The following ADAM22 variants were observed in gnomAD, a reference collection of about 807,000 sequenced individuals.
The protein encoded by ADAM22 is disintegrin and metalloproteinase domain-containing protein 22.
In ADAM22, 65 loss-of-function variants were observed where a neutral mutation model predicts 144.6. The ratio of observed to expected loss-of-function variants is 0.45; its 90% confidence interval spans 0.37 to 0.55. The LOEUF is 0.55. Ranked by LOEUF, ADAM22 falls within the 20% of genes least tolerant of loss-of-function variation. The pLI, the probability that ADAM22 is intolerant of heterozygous loss-of-function variation, is 0.00. For missense variants in ADAM22, 974 were observed against 1,184.9 expected, an observed-to-expected ratio of 0.82 and a Z score of 2.61; for synonymous variants, 391 against 412.6, an observed-to-expected ratio of 0.95 and a Z score of 0.63.
At chr7:88,036,855 A>C (rs755272899) in intron 3 of ADAM22, among the ~76,000 whole-genome samples, 1 of 152,116 alleles carries the variant, frequency 6.6e-6, no homozygotes, top group South Asian at 2.1e-4. Context: ...TTTGAAGAAA[A>C]CAGTTGGCTT....
chr7:87,957,197 T>C (rs1456233016), intron 2 of ADAM22, among the ~76,000 whole-genome samples: 1 of 152,220 alleles, frequency 6.6e-6, no homozygotes, highest in Non-Finnish European at 1.5e-5. Flanking sequence ...GTTCTGTCTG[T>C]TACTTTTTGT....
chr7:88,108,365 T>G, intron 5 of ADAM22, 107 bp downstream of exon 5: 1 of 871,750 alleles, frequency 1.1e-6, no homozygotes, highest in South Asian at 1.8e-5. Flanking sequence ...AGAAATGACT[T>G]TAAATTGGTG....
Position 88,036,404 on chromosome 7 carries a change from G to A in ADAM22, c.324-39222G>A, listed in dbSNP as rs138464519. ...TTGCAGCATTCTAATGAGGGCTGGG[G>A]ATGGACATGAAAGGGAGTAAAGATG... On this transcript the variant is annotated intron_variant, in intron 3 of 31. Transcript: ENST00000413139. Among the ~76,000 whole-genome samples, 353 of 152,242 alleles carry A rather than the reference G, an allele frequency of 2.3e-3. 1 individual carries two copies. Among genetic ancestry groups the A allele is most frequent in the Middle Eastern group, 6.8e-3 (2 of 294 alleles).
chr7:88,039,462 A>ATATATAT (rs1379996653), intron 3 of ADAM22, among the ~76,000 whole-genome samples: 10 of 75,842 alleles, frequency 1.3e-4, no homozygotes, highest in African/African-American at 5.1e-4. Context: ...AAAAAAAAAA[A>ATATATAT]AAATATATAT....
intron 3 of ADAM22, among the ~76,000 whole-genome samples, chr7:87,982,670 C>CATAT (rs3086405): frequency 0.17 from 6,418 of 38,080 alleles, 853 homozygotes; most frequent in Admixed American, 0.3. Context: ...TCAGTTATTA[C>CATAT]ATATATATAT....
chr7:88,028,288 T>C (rs150908326), intron 3 of ADAM22, among the ~76,000 whole-genome samples: 247 of 152,326 alleles, frequency 1.6e-3, no homozygotes, highest in African/African-American at 5.7e-3. Flanking sequence ...TTGTATAGTT[T>C]CCAAAATTCC....
At chr7:87,973,929 G>T (rs997450757) in intron 2 of ADAM22, among the ~76,000 whole-genome samples, 1 of 151,904 alleles carries the variant, frequency 6.6e-6, no homozygotes, top group African/African-American at 2.4e-5. Context: ...CACACACCGG[G>T]GACTGTTGTG....
chr7:87,947,338 C>T (rs1843928693), intron 2 of ADAM22, among the ~76,000 whole-genome samples: 1 of 151,826 alleles, frequency 6.6e-6, no homozygotes, highest in South Asian at 2.1e-4. Context: ...ATTATTTCCT[C>T]GTGAAAGTAC....
chr7:87,992,371 A>C (rs1790116628), intron 3 of ADAM22, among the ~76,000 whole-genome samples: 1 of 152,206 alleles, frequency 6.6e-6, no homozygotes, highest in Non-Finnish European at 1.5e-5. Context: ...TCCACTAACA[A>C]AGGTGTTAAT....
chr7:88,182,633 T>A (rs1320859288), intron 29 of ADAM22, among the ~76,000 whole-genome samples: 1 of 152,182 alleles, frequency 6.6e-6, no homozygotes, highest in Non-Finnish European at 1.5e-5. Context: ...AGCCATGCAT[T>A]TACTTTTTTT....
intron 4 of ADAM22, among the ~76,000 whole-genome samples, chr7:88,107,930 A>G (rs1036386734): frequency 6.6e-6 from 1 of 152,124 alleles, no homozygotes; most frequent in Non-Finnish European, 1.5e-5. Context: ...TGTTCCTCTA[A>G]TATCACCTAC....
chr7:88,081,584 A>G (rs2129483001), intron 4 of ADAM22, among the ~76,000 whole-genome samples: 1 of 150,800 alleles, frequency 6.6e-6, no homozygotes, highest in South Asian at 2.1e-4. Flanking sequence ...TTGTATATCT[A>G]GAAAACCCCA....
chr7:88,029,856 C>T (rs930757675), intron 3 of ADAM22, among the ~76,000 whole-genome samples: 2 of 144,104 alleles, frequency 1.4e-5, no homozygotes, highest in East Asian at 2.1e-4. Flanking sequence ...CATATTGGAA[C>T]TTCATTGTAG....
At chr7:87,946,640 T>C (rs1396112875) in intron 2 of ADAM22, among the ~76,000 whole-genome samples, 1 of 152,226 alleles carries the variant, frequency 6.6e-6, no homozygotes. Flanking sequence ...TTGCCCACTT[T>C]GTTGAAGATC....
chr7:88,115,330 A>G (rs373052014), intron 6 of ADAM22, among the ~76,000 whole-genome samples: 15 of 152,184 alleles, frequency 9.9e-5, no homozygotes, highest in African/African-American at 3.1e-4. Context: ...TCTCAACCCT[A>G]ATGTGTTATG....
intron 20 of ADAM22, among the ~76,000 whole-genome samples, chr7:88,152,801 C>G (rs1453231518): frequency 6.6e-6 from 1 of 152,054 alleles, no homozygotes; most frequent in Non-Finnish European, 1.5e-5. Context: ...GCCTCAGCCT[C>G]CCAAGTAGCT....
chr7:88,146,848 TA>T (rs1836619229), intron 17 of ADAM22, among the ~76,000 whole-genome samples: 1 of 152,198 alleles, frequency 6.6e-6, no homozygotes, highest in Non-Finnish European at 1.5e-5. Flanking sequence ...GGCAGCTTTT[TA>T]AGACGAGCAG....
chr7:87,953,630 T>C (rs1328145671), intron 2 of ADAM22, among the ~76,000 whole-genome samples: 2 of 152,128 alleles, frequency 1.3e-5, no homozygotes, highest in African/African-American at 2.4e-5. Context: ...TGATTTGGGG[T>C]GGAGAGTTCT....
Position 88,108,242 on chromosome 7 carries a change from A to G in ADAM22, c.457A>G (p.Thr153Ala). Reference sequence around the variant, plus strand: ...CCCTGACTCATTTGTTGCATTGTCAACATGCCACGGACTTCAGTAAGTGTT... The same window carrying G: ...CCCTGACTCATTTGTTGCATTGTCAGCATGCCACGGACTTCAGTAAGTGTT... ...GNPDSFVALS[T>A]CHGLHGMFYD... The change falls in exon 5 of 32, where the codon ACA (threonine) becomes GCA (alanine). Residue 153 changes from threonine (T) to alanine (A), a missense_variant. This residue lies in a region of ADAM22 where 240 missense variants were observed against 234.3 expected (regional missense o/e 1.02). Transcript: ENST00000413139. The G allele has an allele frequency of 6.2e-7, 1 of 1,613,790 alleles. No individual in the cohort carries two copies.
Sources: allele counts gnomAD v4.1 joint callset (sites outside exome capture counted in the v4.1 genomes callset), GRCh38; gene constraint gnomAD v4.1.1; regional missense constraint gnomAD v4.1.1; transcripts MANE v1.5; gene names NCBI Gene and HGNC (gene_info 2026-07-23, HGNC 2026-07-21).